Variants in MUC5B observed in about 807,000 individuals in gnomAD.
The protein encoded by MUC5B is mucin 5B, oligomeric mucus/gel-forming.
Under a neutral mutation model 376.9 loss-of-function variants are expected in MUC5B, and 116 were observed. The observed-to-expected ratio is 0.31, with a 90% CI of 0.26 to 0.36. The LOEUF is 0.36. Ranked by LOEUF, MUC5B falls within the 10% of genes least tolerant of loss-of-function variation. The pLI is 1.00. For missense variants in MUC5B, 7,165 were observed against 7,769.9 expected (o/e 0.92, Z 2.93); for synonymous variants, 3,517 against 3,390.9 (o/e 1.04, Z -1.29).
Position 1,253,975 on chromosome 11 carries a change from A to G in MUC5B, c.15218-117A>G. Reference sequence around the variant, plus strand: ...TTATAGACGAGGCAGCTGAGGCCCCAGGGGCTTCAGTGGCTCCCCAAGGCG... The same window carrying G: ...TTATAGACGAGGCAGCTGAGGCCCCGGGGGCTTCAGTGGCTCCCCAAGGCG... On this transcript the variant is annotated intron_variant, in intron 33 of 48. Coordinates refer to ENST00000529681, the MANE Select transcript of MUC5B (RefSeq NM_002458.3). This position sits in a 1 kb window ranked among gnomAD's most constrained non-coding sequence, Gnocchi z 4.3. 7.1e-7 allele frequency: 1 copy of G among 1,410,416 alleles called. No homozygotes were observed. Among genetic ancestry groups the G allele is most frequent in the Non-Finnish European group, 9.5e-7 (1 of 1,049,944 alleles). 87.4% of individuals were successfully genotyped at this position (1,410,416 alleles called of 1,614,324 possible). A position where few individuals can be genotyped will look rare whatever the true frequency, so the allele number is the denominator to read the frequency against.
chr11:1,248,693 C>A lies in MUC5B; in HGVS notation c.11813C>A (p.Thr3938Lys), dbSNP rs369167999. 3 of 1,579,882 alleles carry A rather than the reference C, an allele frequency of 1.9e-6. No individual in the cohort carries two copies. The highest frequency in any genetic ancestry group is 2.6e-6 in the Non-Finnish European group (3 of 1,163,642). ...TCTATGGCAACACCCTCCTCTAGCACACAGACCAGTGGTACTCCCCCATCA... is the reference window on the plus strand; with the variant it reads ...TCTATGGCAACACCCTCCTCTAGCAAACAGACCAGTGGTACTCCCCCATCA... ...TGSMATPSSS[T>K]QTSGTPPSLI... The change falls in exon 31 of 49, where the codon ACA becomes AAA. Residue 3938 changes from threonine (T) to lysine (K), a missense_variant. Physicochemically the swap from Thr to Lys is moderately conservative, Grantham distance 78. Transcript: ENST00000529681.
intron 23 of MUC5B, among the ~76,000 whole-genome samples, chr11:1,235,959 G>A (rs886150255): frequency 1.3e-5 from 2 of 152,218 alleles, no homozygotes; most frequent in African/African-American, 4.8e-5. Flanking sequence ...GCCACACCTA[G>A]AGACACCCAC....
rs761475758 is a variant in MUC5B, at chr11:1,249,931, A to G, written c.13051A>G (p.Ile4351Val). ...TTTPVATMST[I>V]HPSSTPETTH... The stretch of plus-strand genomic sequence containing the variant: ...CACACCCGTGGCCACCATGTCCACA[A>G]TCCACCCCTCCTCCACTCCGGAGAC... The change falls in exon 31 of 49, where the codon ATC (isoleucine) becomes GTC (valine). Residue 4351 changes from isoleucine (I) to valine (V), a missense_variant. Around this residue, in one of 31 missense-constraint regions of MUC5B, gnomAD observed 431 missense variants for 390.4 expected, o/e 1.10. Transcript: ENST00000529681. 3.1e-6 allele frequency: 5 copies of G among 1,609,366 alleles called. No homozygotes were observed. The highest frequency in any genetic ancestry group is 2.2e-5 in the East Asian group (1 of 44,506).
At position 1,261,843 on chromosome 11, in the gene MUC5B, C is replaced by G. The variant is rs1394629319; in HGVS notation, c.*235C>G. The stretch of plus-strand genomic sequence containing the variant: ...AGTCCTACCCTGGGAGAGCCTGTGG[C>G]CCACCTTGGCCTTGCCCCTCCCTGA... On this transcript the variant is annotated 3_prime_UTR_variant, in exon 49 of 49. Transcript: ENST00000529681. 3 of 693,476 alleles carry G rather than the reference C, an allele frequency of 4.3e-6. No homozygotes were observed. The South Asian group carries it at 4.5e-5, about 10-fold the overall frequency. 43.0% of individuals were successfully genotyped at this position (693,476 alleles called of 1,614,324 possible).
rs888284733 is a variant in MUC5B, at chr11:1,223,146, G to A, written c.23G>A (p.Arg8Gln). MGAPSAC[R>Q]TLVLALAAML... ...AGGATGGGTGCCCCGAGCGCGTGCC[G>A]GACGCTGGTGTTGGCTCTGGCGGCC... Residue 8 changes from arginine (R) to glutamine (Q), a missense_variant, in exon 1 of 49, where the codon CGG becomes CAG. By Grantham distance (43) the Arg-to-Gln change is conservative. Around this residue, in one of 31 missense-constraint regions of MUC5B, gnomAD observed 640 missense variants for 733.0 expected, o/e 0.87. Coordinates refer to ENST00000529681, the MANE Select transcript of MUC5B (RefSeq NM_002458.3). The A allele has an allele frequency of 2.4e-5, 17 of 705,828 alleles. No individual in the cohort carries two copies. Among genetic ancestry groups the A allele is most frequent in the East Asian group, 1.9e-4 (7 of 37,112 alleles). The allele number at this position is 705,828 out of a possible 1,614,324, so 43.7% of individuals were successfully genotyped here.
At chr11:1,229,354 GC>G (rs1399347500) in intron 9 of MUC5B, 59 bp downstream of exon 9, 37 of 1,463,540 alleles carry the variant, frequency 2.5e-5, no homozygotes, top group Non-Finnish European at 3.4e-5. Flanking sequence ...TCCCAACCCC[GC>G]CCCCAGCCTC....
Position 1,253,022 on chromosome 11 carries a change from G to A in MUC5B, c.15217+42G>A. The A allele has an allele frequency of 1.2e-6, 2 of 1,610,046 alleles. No homozygotes were observed. Among genetic ancestry groups the A allele is most frequent in the Non-Finnish European group, 1.7e-6 (2 of 1,178,480 alleles). On this transcript the variant is annotated intron_variant, in intron 33 of 48. Coordinates refer to ENST00000529681, the MANE Select transcript of MUC5B (RefSeq NM_002458.3). This position sits in a 1 kb window ranked among gnomAD's most constrained non-coding sequence, Gnocchi z 4.3. ...CCGCGGGATTACCCCGGGGGCAGGT[G>A]GAGCAGAGTGCACCGTCGGCTAGGC...
intron 44 of MUC5B, among the ~76,000 whole-genome samples, 168 bp downstream of exon 44, chr11:1,259,229 C>T (rs1399818350): frequency 7.0e-5 from 10 of 142,632 alleles, no homozygotes; most frequent in East Asian, 2.1e-4. Flanking sequence ...AAGTGAGACC[C>T]GAGGCACCTG....
In MUC5B at chr11:1,242,877, C is replaced by G. The variant is rs752137583; in HGVS notation, c.5997C>G (p.Thr1999=). Residue 1999 remains threonine (T), a synonymous_variant, in exon 31 of 49, where the codon ACC becomes ACG. Coordinates refer to ENST00000529681, the MANE Select transcript of MUC5B (RefSeq NM_002458.3). ...CCTGGACCCGCCTATCACAGACCAC[C>G]ACACCCACGGCCACCATGTCCACAG... ...GTTWTRLSQT[T]TPTATMSTAT... is the part of the protein sequence containing the mutation. 5.0e-6 allele frequency: 8 copies of G among 1,613,728 alleles called. No individual in the cohort carries two copies. In the Admixed American group the frequency reaches 1.3e-4, roughly 27 times the overall value.
chr11:1,227,677 G>A lies in MUC5B; in HGVS notation c.670G>A (p.Ala224Thr), dbSNP rs745336157. Residue 224 changes from alanine (A) to threonine (T), a missense_variant and splice_region_variant, in exon 7 of 49, where the codon GCC (alanine) becomes ACC (threonine). Coordinates refer to ENST00000529681, the MANE Select transcript of MUC5B (RefSeq NM_002458.3). Reference sequence around the variant, plus strand: ...CACCCCTGCTTTCTTCCCGGCAGACGCCAGGCTGACCCCGCTCCAGTTTGG... The same window carrying A: ...CACCCCTGCTTTCTTCCCGGCAGACACCAGGCTGACCCCGCTCCAGTTTGG... ...PAFNEFYAHN[A>T]RLTPLQFGNL... 32 of 719,840 alleles carry A rather than the reference G, an allele frequency of 4.4e-5. No homozygotes were observed. Among genetic ancestry groups the A allele is most frequent in the African/African-American group, 1.4e-4 (8 of 57,354 alleles). The allele number at this position is 719,840 out of a possible 1,614,324, so 44.6% of individuals were successfully genotyped here.
chr11:1,247,448 C>G lies in MUC5B; in HGVS notation c.10568C>G (p.Pro3523Arg). 6.2e-7 allele frequency: 1 copy of G among 1,609,772 alleles called. No homozygotes were observed. Among genetic ancestry groups the G allele is most frequent in the South Asian group, 1.1e-5 (1 of 90,864 alleles). The change falls in exon 31 of 49, where the codon CCT (proline) becomes CGT (arginine). Residue 3523 changes from proline (P) to arginine (R), a missense_variant. Around this residue, in one of 31 missense-constraint regions of MUC5B, gnomAD observed 939 missense variants for 770.6 expected, o/e 1.22. Coordinates refer to ENST00000529681, the MANE Select transcript of MUC5B (RefSeq NM_002458.3). ...AGCAGCAGGACCACCGAGTCACCCC[C>G]TTCTCCAGGGACGACCACCCCGGGC... ...HPSSRTTESP[P>R]SPGTTTPGHT...
chr11:1,232,321 C>A, intron 15 of MUC5B, 129 bp from the exon 16 acceptor site: 1 of 1,355,654 alleles, frequency 7.4e-7, no homozygotes, highest in Non-Finnish European at 1.0e-6. Context: ...GCCAGAACCC[C>A]CCAAGGCGCA....
At position 1,247,885 on chromosome 11, in the gene MUC5B, G is replaced by A. The variant is rs763796582; in HGVS notation, c.11005G>A (p.Gly3669Ser). ...YEIRVFCCNY[G>S]HCPSTPATSS... ...AATCCGTGTGTTCTGCTGCAACTAC[G>A]GCCACTGCCCCAGCACCCCGGCCAC... Residue 3669 changes from glycine to serine, a missense_variant, in exon 31 of 49, where the codon GGC becomes AGC. Physicochemically the swap from Gly to Ser is moderately conservative, Grantham distance 56. Transcript: ENST00000529681. 6.6e-5 allele frequency: 107 copies of A among 1,610,822 alleles called. 1 individual carries two copies. The highest frequency in any genetic ancestry group is 8.5e-5 in the Non-Finnish European group (100 of 1,178,880).
chr11:1,223,243 G>T (rs779192761), intron 1 of MUC5B, 50 bp downstream of exon 1: 3 of 702,780 alleles, frequency 4.3e-6, no homozygotes, highest in South Asian at 3.0e-5. Context: ...CACGGCGGGG[G>T]TCTCTGCAGG....
rs1286302842 is a variant in MUC5B at position 1,261,447 on chromosome 11, G to A, written c.17128G>A (p.Val5710Ile). The change falls in exon 49 of 49, where the codon GTC becomes ATC. Residue 5710 changes from valine (V) to isoleucine (I), a missense_variant. Physicochemically the swap from Val to Ile is conservative, Grantham distance 29. Around this residue, in one of 31 missense-constraint regions of MUC5B, gnomAD observed 842 missense variants for 1,016.9 expected, o/e 0.83. Transcript: ENST00000529681. The stretch of plus-strand genomic sequence containing the variant: ...GTGCACCTGCTGCCAGGAGAGGCGG[G>A]TCCACGAGGAGACGGTGCCCTTGCA... ...HQCTCCQERRVHEETVPLHCP... is the reference protein window; with the variant it reads ...HQCTCCQERRIHEETVPLHCP... 2 of 1,547,962 alleles carry A rather than the reference G, an allele frequency of 1.3e-6. No individual in the cohort carries two copies. The highest frequency in any genetic ancestry group is 3.9e-5 in the Admixed American group (2 of 51,108).
In MUC5B at chr11:1,230,162, G is replaced by T; in HGVS notation, c.1359+19G>T. The T allele has an allele frequency of 6.3e-7, 1 of 1,576,420 alleles. No homozygotes were observed. The highest frequency in any genetic ancestry group is 8.6e-7 in the Non-Finnish European group (1 of 1,162,574). The stretch of plus-strand genomic sequence containing the variant: ...GTCCAAGGTCTGGGCTTGGGGCCGG[G>T]TCTTCAGACACCCAGACCCTCCTGG... On this transcript the variant is annotated intron_variant, in intron 11 of 48. Transcript: ENST00000529681.
chr11:1,242,891 C>A lies in MUC5B; in HGVS notation c.6011C>A (p.Thr2004Asn), dbSNP rs1193082223. The change falls in exon 31 of 49, where the codon ACC (threonine) becomes AAC (asparagine). Residue 2004 changes from threonine to asparagine, a missense_variant. Thr to Asn is a moderately conservative substitution (Grantham distance 65, BLOSUM62 0). Coordinates refer to ENST00000529681, the MANE Select transcript of MUC5B (RefSeq NM_002458.3). ...RLSQTTTPTA[T>N]MSTATPSSTP... ...TCACAGACCACCACACCCACGGCCA[C>A]CATGTCCACAGCCACACCCTCCTCC... The A allele has an allele frequency of 1.2e-6, 2 of 1,613,596 alleles. No homozygotes were observed. Among genetic ancestry groups the A allele is most frequent in the Non-Finnish European group, 1.7e-6 (2 of 1,179,778 alleles).
Position 1,257,110 on chromosome 11 carries a change from C to T in MUC5B, c.16238-130C>T. On this transcript the variant is annotated intron_variant, in intron 39 of 48. Transcript: ENST00000529681. This position sits in a 1 kb window ranked among gnomAD's most constrained non-coding sequence, Gnocchi z 8.9. ...CTGAGCTCCAGCCACATCTGACACCCCAAAAGTTCTCCAGGGCCTTCCATC... is the reference window on the plus strand; with the variant it reads ...CTGAGCTCCAGCCACATCTGACACCTCAAAAGTTCTCCAGGGCCTTCCATC... The T allele has an allele frequency of 4.3e-6, 3 of 701,008 alleles. No individual in the cohort carries two copies. The highest frequency in any genetic ancestry group is 2.6e-5 in the East Asian group (1 of 38,036). 43.4% of individuals were successfully genotyped at this position (701,008 alleles called of 1,614,324 possible). A position where few individuals can be genotyped will look rare whatever the true frequency, so the allele number is the denominator to read the frequency against.
rs751539153 is a variant in MUC5B, at chr11:1,237,002, G to A, written c.3135G>A (p.Val1045=). Residue 1045 remains valine, a synonymous_variant, in exon 25 of 49, where the codon GTG becomes GTA. Transcript: ENST00000529681. ...TTGCCACGCGTAGCCGGTCCGTGGT[G>A]GGGGACGCACTGGAGTTTGGGAACA... ...NDFATRSRSV[V]GDALEFGNSW... 3.8e-6 allele frequency: 6 copies of A among 1,574,628 alleles called. No individual in the cohort carries two copies. The highest frequency in any genetic ancestry group is 5.2e-6 in the Non-Finnish European group (6 of 1,159,864).
Sources: allele counts gnomAD v4.1 joint callset (sites outside exome capture counted in the v4.1 genomes callset), GRCh38; gene constraint gnomAD v4.1.1; regional missense constraint gnomAD v4.1.1; non-coding constraint Gnocchi (gnomAD v3.1); transcripts MANE v1.5; gene names NCBI Gene and HGNC (gene_info 2026-07-23, HGNC 2026-07-21).